Variants in BCL7C observed in about 807,000 individuals in gnomAD.
BCL7C encodes the protein B-cell CLL/lymphoma 7 protein family member C.
BCL7C carries 8 observed loss-of-function variants against 26.2 expected under a neutral mutation model. The ratio of observed to expected loss-of-function variants is 0.30; its 90% confidence interval spans 0.18 to 0.55. The LOEUF is 0.55. Ranked by LOEUF, BCL7C falls within the 20% of genes least tolerant of loss-of-function variation. The probability of loss-of-function intolerance (pLI) is 0.93; values close to 1 mark genes in which losing one functional copy is unlikely to be tolerated. For missense variants in BCL7C, 262 were observed against 298.5 expected, an observed-to-expected ratio of 0.88 and a Z score of 0.90; for synonymous variants, 90 against 116.5, an observed-to-expected ratio of 0.77 and a Z score of 1.47.
intron 5 of BCL7C, among the ~76,000 whole-genome samples, chr16:30,860,810 ATCC>A (rs1224966754): frequency 1.3e-5 from 2 of 151,886 alleles, no homozygotes; most frequent in African/African-American, 4.8e-5. Context: ...AGTCCTCTGA[ATCC>A]TCCTTTTCTA....
chr16:30,886,975 C>T (rs1268749105), downstream of BCL7C, among the ~76,000 whole-genome samples: 1 of 152,128 alleles, frequency 6.6e-6, no homozygotes, highest in Non-Finnish European at 1.5e-5. Context: ...GAGTTCAAGA[C>T]CAGCCTGGGC....
chr16:30,853,506 T>C (rs1380574073), intron 5 of BCL7C, among the ~76,000 whole-genome samples: 1 of 152,176 alleles, frequency 6.6e-6, no homozygotes, highest in Non-Finnish European at 1.5e-5. Flanking sequence ...TATCACTCTT[T>C]CAAAAAATGT....
At chr16:30,841,263 C>T (rs1454250470) in intron 5 of BCL7C, among the ~76,000 whole-genome samples, 1 of 152,266 alleles carries the variant, frequency 6.6e-6, no homozygotes, top group Middle Eastern at 3.4e-3. Flanking sequence ...CCTGCCCCCT[C>T]ACCCCAATTC....
chr16:30,883,536 CTTTTTTTTTTTTTTT>C (rs71149065), downstream of BCL7C, among the ~76,000 whole-genome samples: 3 of 45,438 alleles, frequency 6.6e-5, no homozygotes, highest in African/African-American at 9.2e-5. Context: ...GCCAAACTGG[CTTTTTTTTTTTTTTT>C]TTTTTTTTTT....
At chr16:30,862,172 C>A (rs1184384062) in intron 5 of BCL7C, among the ~76,000 whole-genome samples, 3 of 152,082 alleles carry the variant, frequency 2.0e-5, no homozygotes, top group Non-Finnish European at 4.4e-5. Flanking sequence ...TTTTAGTTAT[C>A]CCCACCTGCC....
intron 5 of BCL7C, among the ~76,000 whole-genome samples, chr16:30,863,750 C>T (rs536399764): frequency 1.3e-5 from 2 of 152,316 alleles, no homozygotes; most frequent in South Asian, 4.1e-4. Context: ...CTTCCAGCCT[C>T]ACAGGCCTAT....
chr16:30,854,608 C>T (rs1429888379), intron 5 of BCL7C, among the ~76,000 whole-genome samples: 1 of 152,132 alleles, frequency 6.6e-6, no homozygotes, highest in Non-Finnish European at 1.5e-5. Flanking sequence ...TGAAGATTTT[C>T]TCTGGCAAAT....
intron 5 of BCL7C, among the ~76,000 whole-genome samples, chr16:30,847,698 AG>A (rs1387209791): frequency 6.6e-6 from 1 of 152,168 alleles, no homozygotes; most frequent in East Asian, 1.9e-4. Context: ...CAGGAGGCTG[AG>A]GCAGGAAAGT....
At chr16:30,870,292 A>T (rs1289334713) in intron 5 of BCL7C, among the ~76,000 whole-genome samples, 1 of 152,172 alleles carries the variant, frequency 6.6e-6, no homozygotes, top group East Asian at 1.9e-4. Context: ...TTATAAGAAC[A>T]CCCTTTTCAT....
intron 5 of BCL7C, 33 bp downstream of exon 5, chr16:30,888,827 G>C (rs1220112884): frequency 6.2e-7 from 1 of 1,604,962 alleles, no homozygotes; most frequent in Admixed American, 1.7e-5. Context: ...TTCCCTCCAA[G>C]ACCCAGGAGT....
intron 5 of BCL7C, among the ~76,000 whole-genome samples, chr16:30,862,459 CATT>C (rs898567492): frequency 2.6e-5 from 4 of 152,170 alleles, no homozygotes; most frequent in African/African-American, 9.7e-5. Flanking sequence ...AGCCCTTTCT[CATT>C]ATTTACTTTC....
intron 5 of BCL7C, among the ~76,000 whole-genome samples, chr16:30,850,210 A>C (rs2054664290): frequency 1.8e-5 from 1 of 55,052 alleles, no homozygotes. Flanking sequence ...ACTCCATCTC[A>C]AAAAAAAAAA....
chr16:30,892,978 C>T (rs1466755426), intron 2 of BCL7C, 30 bp from the exon 3 acceptor site: 1 of 1,587,814 alleles, frequency 6.3e-7, no homozygotes, highest in Non-Finnish European at 8.6e-7. Context: ...GGTCAGAGCT[C>T]TTGGAAAGCC....
Position 30,893,332 on chromosome 16 carries a change from A to T in BCL7C, c.93-42T>A. The T allele has an allele frequency of 6.5e-7, 1 of 1,547,212 alleles. No homozygotes were observed. The highest frequency in any genetic ancestry group is 8.9e-7 in the Non-Finnish European group (1 of 1,125,788). On this transcript the variant is annotated intron_variant, in intron 1 of 5. Coordinates refer to ENST00000215115, the MANE Select transcript of BCL7C (RefSeq NM_004765.4). This position sits in a 1 kb window ranked among gnomAD's most constrained non-coding sequence, Gnocchi z 5.2. ...GGCTGGGTCAGAGAGGCCTGAGGGG[A>T]GACCCACCCCCCTAGGAGCTGGACA...
At chr16:30,839,895 T>C (rs1405070113) in intron 5 of BCL7C, among the ~76,000 whole-genome samples, 2 of 152,164 alleles carry the variant, frequency 1.3e-5, no homozygotes, top group African/African-American at 4.8e-5. Flanking sequence ...GAAACAAATA[T>C]TATTTGTTTC....
chr16:30,851,581 C>G (rs1321264573), intron 5 of BCL7C: 1 of 381,052 alleles, frequency 2.6e-6, no homozygotes, highest in Non-Finnish European at 4.9e-6. Context: ...TGGTTGTTGT[C>G]ATGGAGAATA....
At chr16:30,861,602 C>T (rs1169677878) in intron 5 of BCL7C, among the ~76,000 whole-genome samples, 1 of 152,186 alleles carries the variant, frequency 6.6e-6, no homozygotes, top group Admixed American at 6.5e-5. Flanking sequence ...CTGACTCCTT[C>T]CCAGATCTTC....
intron 5 of BCL7C, among the ~76,000 whole-genome samples, chr16:30,855,152 G>C (rs1397003930): frequency 1.3e-5 from 2 of 152,176 alleles, no homozygotes; most frequent in African/African-American, 2.4e-5. Context: ...ATGGTGCTGA[G>C]AGAGCTATGC....
At chr16:30,885,386 T>C (rs2055116558), downstream of BCL7C, among the ~76,000 whole-genome samples, 1 of 151,732 alleles carries the variant, frequency 6.6e-6, no homozygotes, top group South Asian at 2.1e-4. Flanking sequence ...TCCAGAACTG[T>C]AAGAGAATCA....
Sources: gnomAD v4.1 joint callset for allele counts (sites outside exome capture counted in the v4.1 genomes callset) on GRCh38, gnomAD v4.1.1 for gene constraint, Gnocchi (gnomAD v3.1) non-coding constraint, MANE v1.5 for transcripts, NCBI Gene and HGNC (gene_info 2026-07-23, HGNC 2026-07-21) for gene names.